Variants in MTF2 observed in about 807,000 individuals in gnomAD.
The protein encoded by MTF2 is metal response element binding transcription factor 2.
Under a neutral mutation model 79.5 loss-of-function variants are expected in MTF2, and 11 were observed. That is an observed-to-expected ratio of 0.14 (90% confidence interval 0.09 to 0.23). The LOEUF (loss-of-function observed/expected upper bound fraction) is 0.23. Among genes scored for constraint, MTF2 ranks in the 10% least tolerant of loss-of-function variants. The probability of loss-of-function intolerance (pLI) is 1.00; values close to 1 mark genes in which losing one functional copy is unlikely to be tolerated. For missense variants in MTF2, 486 were observed against 711.2 expected, an observed-to-expected ratio of 0.68 and a Z score of 3.60; for synonymous variants, 208 against 232.8, an observed-to-expected ratio of 0.89 and a Z score of 0.97.
chr1:93,081,220 C>G (rs1654592691), intron 1 of MTF2, among the ~76,000 whole-genome samples: 1 of 152,122 alleles, frequency 6.6e-6, no homozygotes, highest in Non-Finnish European at 1.5e-5. Flanking sequence ...TTTAATAGTT[C>G]TTTAAATCAT....
intron 1 of MTF2, among the ~76,000 whole-genome samples, chr1:93,099,264 T>C (rs1655428766): frequency 6.6e-6 from 1 of 152,118 alleles, no homozygotes; most frequent in African/African-American, 2.4e-5. Context: ...TAAGGGCCAC[T>C]AAATAGCTGA....
chr1:93,089,110 T>A (rs1654969244), intron 1 of MTF2, among the ~76,000 whole-genome samples: 1 of 152,170 alleles, frequency 6.6e-6, no homozygotes, highest in African/African-American at 2.4e-5. Context: ...TCTAACCTGT[T>A]AGGTGGTTAA....
intron 1 of MTF2, among the ~76,000 whole-genome samples, chr1:93,104,512 C>G (rs1382088192): frequency 6.6e-6 from 1 of 151,140 alleles, no homozygotes; most frequent in African/African-American, 2.4e-5. Flanking sequence ...AACCTTGTCT[C>G]TACTAAAAAT....
Position 93,110,364 on chromosome 1 carries a change from A to G in MTF2, c.140A>G (p.Glu47Gly), listed in dbSNP as rs760932337. The change falls in exon 2 of 15, where the codon GAA (glutamate) becomes GGA (glycine). Residue 47 changes from glutamate (E) to glycine (G), a missense_variant. Glu to Gly is a moderately conservative substitution (Grantham distance 98). Around this residue, in one of 4 missense-constraint regions of MTF2, gnomAD observed 75 missense variants for 83.8 expected, o/e 0.89. Transcript: ENST00000370298. The stretch of plus-strand genomic sequence containing the variant: ...GCCAAAAAGCCAGCATGTAAATTTG[A>G]AGAGGGTCAGGATGTCCTAGCTAGA... ...HKAKKPACKFEEGQDVLARWS... is the reference protein window; with the variant it reads ...HKAKKPACKFGEGQDVLARWS... The G allele has an allele frequency of 5.6e-6, 9 of 1,614,190 alleles. No homozygotes were observed. In the South Asian group the frequency reaches 8.8e-5, roughly 16 times the overall value.
At chr1:93,105,336 A>T (rs975680166) in intron 1 of MTF2, among the ~76,000 whole-genome samples, 1 of 152,134 alleles carries the variant, frequency 6.6e-6, no homozygotes, top group Non-Finnish European at 1.5e-5. Flanking sequence ...AGCACAAAGA[A>T]TCAAGAGAAT....
chr1:93,120,863 C>T, intron 9 of MTF2, 191 bp downstream of exon 9: 1 of 1,282,508 alleles, frequency 7.8e-7, no homozygotes, highest in East Asian at 3.9e-5. Flanking sequence ...TGTTTGTTGC[C>T]TGTTGACTCT....
intron 1 of MTF2, among the ~76,000 whole-genome samples, chr1:93,095,176 T>C (rs1655237047): frequency 6.6e-6 from 1 of 152,156 alleles, no homozygotes; most frequent in African/African-American, 2.4e-5. Context: ...AAGCTGGGAC[T>C]ACAGGCACAT....
At chr1:93,118,215 G>A in intron 6 of MTF2, 130 bp from the exon 7 acceptor site, 1 of 493,048 alleles carries the variant, frequency 2.0e-6, no homozygotes, top group Non-Finnish European at 3.5e-6. Flanking sequence ...AGTAAGTATA[G>A]TAGAAATGTG....
In MTF2 at chr1:93,137,107, A is replaced by G; in HGVS notation, c.*80A>G. On this transcript the variant is annotated 3_prime_UTR_variant, in exon 15 of 15. Transcript: ENST00000370298. ...AAAGCCCTAAAGGAGTCTGGCTTTT[A>G]CTATCTTTCTTAAAAAAAAAAAAAA... is the stretch of plus-strand genomic sequence containing the variant. 1 of 1,226,864 alleles carries G rather than the reference A, an allele frequency of 8.2e-7. No homozygotes were observed. Among genetic ancestry groups the G allele is most frequent in the Non-Finnish European group, 1.1e-6 (1 of 892,026 alleles). 76.0% of individuals were successfully genotyped at this position (1,226,864 alleles called of 1,614,324 possible).
intron 1 of MTF2, 95 bp from the exon 2 acceptor site, chr1:93,110,135 A>C (rs958406569): frequency 8.2e-7 from 1 of 1,224,930 alleles, no homozygotes; most frequent in Non-Finnish European, 1.2e-6. Flanking sequence ...GGTTTTTAAC[A>C]AATTTAAAAC....
intron 1 of MTF2, among the ~76,000 whole-genome samples, chr1:93,096,961 C>T (rs1226378630): frequency 6.6e-6 from 1 of 151,836 alleles, no homozygotes; most frequent in East Asian, 1.9e-4. Flanking sequence ...CAGACATGCA[C>T]CACCATGCCT....
chr1:93,113,376 T>C (rs1035860170), intron 3 of MTF2, among the ~76,000 whole-genome samples: 11 of 151,832 alleles, frequency 7.2e-5, no homozygotes, highest in African/African-American at 2.7e-4. Flanking sequence ...CAAGACCCTA[T>C]CTGAGGGGAA....
chr1:93,116,043 A>C (rs2101066413), intron 6 of MTF2, among the ~76,000 whole-genome samples: 1 of 152,286 alleles, frequency 6.6e-6, no homozygotes, highest in South Asian at 2.1e-4. Flanking sequence ...ACTTTTTCAC[A>C]GATAGATTAC....
At chr1:93,133,395 A>G (rs1380599112) in intron 11 of MTF2, among the ~76,000 whole-genome samples, 1 of 152,116 alleles carries the variant, frequency 6.6e-6, no homozygotes, top group African/African-American at 2.4e-5. Flanking sequence ...TCCATCCAGT[A>G]TAATTGTCTG....
In MTF2 at chr1:93,137,003, A is replaced by G; in HGVS notation, c.1758A>G (p.Glu586=). The change falls in exon 15 of 15, where the codon GAA becomes GAG. Residue 586 remains glutamate (E), a synonymous_variant. Coordinates refer to ENST00000370298, the MANE Select transcript of MTF2 (RefSeq NM_007358.4). ...TLDGKVQYLV[E]WEGATAS ...ATGGAAAGGTGCAGTATCTTGTGGA[A>G]TGGGAAGGAGCAACTGCATCCTGAC... is the stretch of plus-strand genomic sequence containing the variant. 1 of 1,614,020 alleles carries G rather than the reference A, an allele frequency of 6.2e-7. No individual in the cohort carries two copies.
chr1:93,079,491 C>G lies in MTF2; in HGVS notation c.-36C>G, dbSNP rs1446398907. 3 of 1,613,700 alleles carry G rather than the reference C, an allele frequency of 1.9e-6. No homozygotes were observed. The highest frequency in any genetic ancestry group is 3.3e-5 in the Admixed American group (2 of 60,002). On this transcript the variant is annotated 5_prime_UTR_variant, in exon 1 of 15. Coordinates refer to ENST00000370298, the MANE Select transcript of MTF2 (RefSeq NM_007358.4). ...CACGGGGACGGATTGGTTGTTTTTT[C>G]CTGTATGAAGCGGTTGGCACCACTG...
At position 93,082,113 on chromosome 1, in the gene MTF2, C is replaced by T. The variant is rs1413118327; in HGVS notation, c.5+2582C>T. On this transcript the variant is annotated intron_variant, in intron 1 of 14. Coordinates refer to ENST00000370298, the MANE Select transcript of MTF2 (RefSeq NM_007358.4). ...TCTAGTCTTTTTAAAATATAAGATT[C>T]TGCTTCTGTGTCAAAAAACAACAAA... Among the ~76,000 whole-genome samples the T allele has an allele frequency of 2.6e-5, 4 of 152,024 alleles. No homozygotes were observed. In the East Asian group the frequency reaches 7.7e-4, roughly 29 times the overall value.
At chr1:93,105,154 A>AAT (rs1655718346) in intron 1 of MTF2, among the ~76,000 whole-genome samples, 1 of 150,706 alleles carries the variant, frequency 6.6e-6, no homozygotes, top group Non-Finnish European at 1.5e-5. Context: ...AAAAAAAAAA[A>AAT]AAAAAAAGAG....
In MTF2 at chr1:93,110,436, A is replaced by G. The variant is rs1330413993; in HGVS notation, c.204+8A>G. 1 of 1,613,622 alleles carries G rather than the reference A, an allele frequency of 6.2e-7. No individual in the cohort carries two copies. The highest frequency in any genetic ancestry group is 8.5e-7 in the Non-Finnish European group (1 of 1,179,630). ...CTTGGCACTATCAAAAAGGCAAGTT[A>G]CTTTAATGTATCTTTTGCTGTTTTT... On this transcript the variant is annotated splice_region_variant and intron_variant, in intron 2 of 14. Coordinates refer to ENST00000370298, the MANE Select transcript of MTF2 (RefSeq NM_007358.4).
Sources: gnomAD v4.1 joint callset for allele counts (sites outside exome capture counted in the v4.1 genomes callset) on GRCh38, gnomAD v4.1.1 for gene constraint, gnomAD v4.1.1 regional missense constraint, MANE v1.5 for transcripts, NCBI Gene and HGNC (gene_info 2026-07-23, HGNC 2026-07-21) for gene names.